The following CCND3 variants were observed in gnomAD, a reference collection of about 807,000 sequenced individuals.
CCND3 encodes cyclin D3.
A neutral mutation model predicts 28.7 loss-of-function variants in CCND3; 9 were observed. The observed-to-expected ratio is 0.31, with a 90% CI of 0.19 to 0.55. The LOEUF (loss-of-function observed/expected upper bound fraction) is 0.55. CCND3 is among the 20% of genes least tolerant of loss of function. The pLI is 0.93. For synonymous variants in CCND3, 164 were observed against 163.9 expected, an observed-to-expected ratio of 1.00 and a Z score of 0.00; for missense variants, 315 against 385.8, an observed-to-expected ratio of 0.82 and a Z score of 1.54.
chr6:41,954,731 T>C (rs1776399570), intron 1 of CCND3, among the ~76,000 whole-genome samples: 1 of 152,098 alleles, frequency 6.6e-6, no homozygotes, highest in African/African-American at 2.4e-5. Context: ...ATCAAACTTC[T>C]GAATTAAAGT....
At position 42,025,322 on chromosome 6, in the gene CCND3, G is replaced by A. The variant is rs4714555; in HGVS notation, c.-46+23179C>T. On this transcript the variant is annotated intron_variant, in intron 1 of 4. Coordinates refer to the CCND3 transcript ENST00000372988. ...AAGTCTGAGAGACCAAGGCCTCACA[G>A]AGGAAGTGTCTCCACAGAGATTTCC... Among the ~76,000 whole-genome samples, 584 of 152,328 alleles carry A rather than the reference G, an allele frequency of 3.8e-3. 15 individuals carry two copies. Among genetic ancestry groups the A allele is most frequent in the Admixed American group, 0.036 (547 of 15,288 alleles).
chr6:41,964,428 TTGTGTGTA>T (rs1326833019), intron 1 of CCND3, among the ~76,000 whole-genome samples: 57 of 137,654 alleles, frequency 4.1e-4, no homozygotes, highest in Admixed American at 7.2e-4. Flanking sequence ...GTGAATGTGT[TTGTGTGTA>T]TGTGTGAATG....
At chr6:41,997,025 G>T (rs905541536) in intron 1 of CCND3, among the ~76,000 whole-genome samples, 2 of 152,120 alleles carry the variant, frequency 1.3e-5, no homozygotes, top group Non-Finnish European at 2.9e-5. Flanking sequence ...CACCTAGAAA[G>T]ATATTATCAA....
At position 42,048,113 on chromosome 6, in the gene CCND3, C is replaced by T. The variant is rs1764600252; in HGVS notation, c.-46+388G>A. On this transcript the variant is annotated intron_variant, in intron 1 of 4. Coordinates refer to the CCND3 transcript ENST00000372988. The surrounding 1 kb of genome is among the most constrained non-coding windows in gnomAD (Gnocchi z 4.7). ...AATCAGACACCACTGAGGGGTCCCTCCCTCCAGTTTCATCCCGGTGCACTT... is the reference window on the plus strand; with the variant it reads ...AATCAGACACCACTGAGGGGTCCCTTCCTCCAGTTTCATCCCGGTGCACTT... 5.9e-6 allele frequency: 1 copy of T among 170,466 alleles called. No individual in the cohort carries two copies. Among genetic ancestry groups the T allele is most frequent in the South Asian group, 1.2e-4 (1 of 8,476 alleles). The allele number at this position is 170,466 out of a possible 1,614,324, so 10.6% of individuals were successfully genotyped here.
intron 1 of CCND3, among the ~76,000 whole-genome samples, chr6:41,998,224 G>T (rs1230301101): frequency 2.2e-4 from 34 of 151,144 alleles, no homozygotes; most frequent in Admixed American, 2.2e-3. Flanking sequence ...GGAGGCGGAG[G>T]TTGCAGAAAG....
intron 1 of CCND3, among the ~76,000 whole-genome samples, chr6:41,965,117 T>C (rs985466812): frequency 1.4e-5 from 2 of 138,672 alleles, no homozygotes; most frequent in African/African-American, 5.3e-5. Flanking sequence ...TTGCCCAGGC[T>C]GGCGTGCAGT....
At chr6:41,990,278 A>G (rs984239295) in intron 1 of CCND3, among the ~76,000 whole-genome samples, 8 of 152,282 alleles carry the variant, frequency 5.3e-5, no homozygotes, top group African/African-American at 1.9e-4. Context: ...CAAAACACTG[A>G]TGAAAGAAAT....
intron 3 of CCND3, 181 bp downstream of exon 3, chr6:41,937,054 G>A: frequency 1.5e-6 from 1 of 659,874 alleles, no homozygotes; most frequent in Non-Finnish European, 2.6e-6. Context: ...CAAACTGGAG[G>A]GGTCTGAGAT....
At position 41,939,616 on chromosome 6, in the gene CCND3, C is replaced by T. The variant is rs1272548042; in HGVS notation, c.414+754G>A. ...CCACAGGGTTATGAAAGACCTTGGT[C>T]AGAGAGGGCGGGCCAGGGGAGGGGG... On this transcript the variant is annotated intron_variant, in intron 2 of 4. Transcript: ENST00000372991. This position sits in a 1 kb window ranked among gnomAD's most constrained non-coding sequence, Gnocchi z 4.2. 2.6e-5 allele frequency among the ~76,000 whole-genome samples: 4 copies of T among 152,054 alleles called. No homozygotes were observed. The East Asian group carries it at 7.7e-4, about 29-fold the overall frequency.
chr6:41,951,726 T>C (rs1776324055), intron 1 of CCND3, among the ~76,000 whole-genome samples: 1 of 151,778 alleles, frequency 6.6e-6, no homozygotes, highest in South Asian at 2.1e-4. Flanking sequence ...ATAATACTAT[T>C]AGGTAGTAAT....
At chr6:42,028,525 C>T (rs1195527106) in intron 1 of CCND3, among the ~76,000 whole-genome samples, 2 of 152,256 alleles carry the variant, frequency 1.3e-5, no homozygotes, top group African/African-American at 4.8e-5. Context: ...TATTTCTTGC[C>T]TCATCTTCCT....
rs763333137 is a variant in CCND3 at position 42,048,523 on chromosome 6, G to C, written c.-68C>G. The C allele has an allele frequency of 1.6e-5, 8 of 514,554 alleles. No homozygotes were observed. The highest frequency in any genetic ancestry group is 1.2e-4 in the African/African-American group (6 of 51,822). 31.9% of individuals were successfully genotyped at this position (514,554 alleles called of 1,614,324 possible). On this transcript the variant is annotated 5_prime_UTR_variant, in exon 1 of 5. Transcript: ENST00000372988. This position sits in a 1 kb window ranked among gnomAD's most constrained non-coding sequence, Gnocchi z 4.7. ...TACCTCCTCGTCAGGTGACCTCCCC[G>C]GAGCACCGACTGGGGTCGCAGGCGC...
intron 1 of CCND3, among the ~76,000 whole-genome samples, chr6:41,953,522 A>G (rs1176325453): frequency 6.6e-6 from 1 of 152,080 alleles, no homozygotes; most frequent in Non-Finnish European, 1.5e-5. Context: ...TCAGTGCCCA[A>G]GGAATCTCAT....
chr6:41,944,781 T>A (rs1776128097), upstream of CCND3, among the ~76,000 whole-genome samples: 1 of 152,180 alleles, frequency 6.6e-6, no homozygotes, highest in African/African-American at 2.4e-5. Flanking sequence ...TCCTGAAAGC[T>A]GGATGTGAAC....
chr6:42,035,011 A>G (rs1045989724), intron 1 of CCND3, among the ~76,000 whole-genome samples: 1 of 152,158 alleles, frequency 6.6e-6, no homozygotes, highest in Non-Finnish European at 1.5e-5. Flanking sequence ...TCTTCAGTTA[A>G]TGATGGTAAA....
At position 42,015,381 on chromosome 6, in the gene CCND3, C is replaced by T. The variant is rs1216736675; in HGVS notation, c.-46+33120G>A. Among the ~76,000 whole-genome samples the T allele has an allele frequency of 3.3e-5, 5 of 152,008 alleles. No individual in the cohort carries two copies. In the South Asian group the frequency reaches 8.3e-4, roughly 25 times the overall value. ...TTGATATACATTACCTCATTCAGGT[C>T]CTGCAACTACCCTTGCAAAAAAATA... On this transcript the variant is annotated intron_variant, in intron 1 of 4. Coordinates refer to the CCND3 transcript ENST00000372988.
intron 1 of CCND3, among the ~76,000 whole-genome samples, chr6:42,003,162 C>CAAAAAAAAAA (rs55721061): frequency 9.1e-6 from 1 of 110,348 alleles, no homozygotes; most frequent in African/African-American, 3.4e-5. Context: ...AACAGCGTGT[C>CAAAAAAAAAA]AAAAAAAAAA....
intron 1 of CCND3, among the ~76,000 whole-genome samples, chr6:42,011,797 A>T (rs1453744931): frequency 1.3e-5 from 2 of 152,174 alleles, no homozygotes; most frequent in East Asian, 3.9e-4. Flanking sequence ...ATCTCAGAGT[A>T]AGAGGCCACC....
chr6:41,940,760 C>T (rs1197142938), intron 1 of CCND3, 175 bp from the exon 2 acceptor site: 5 of 763,976 alleles, frequency 6.5e-6, no homozygotes, highest in South Asian at 3.0e-5. Flanking sequence ...GGTGACGCCC[C>T]CCACTTCCTC....
Sources: gnomAD v4.1 joint callset for allele counts (sites outside exome capture counted in the v4.1 genomes callset) on GRCh38, gnomAD v4.1.1 for gene constraint, Gnocchi (gnomAD v3.1) non-coding constraint, MANE v1.5 for transcripts, NCBI Gene and HGNC (gene_info 2026-07-23, HGNC 2026-07-21) for gene names.